The following USP20 variants were observed in gnomAD, a reference collection of about 807,000 sequenced individuals.
USP20 encodes the protein ubiquitin carboxyl-terminal hydrolase 20.
Under a neutral mutation model 124.2 loss-of-function variants are expected in USP20, and 80 were observed. That is an observed-to-expected ratio of 0.64 (90% CI 0.54 to 0.78). USP20 has a LOEUF of 0.78. Ranked by LOEUF, USP20 falls within the 30% of genes least tolerant of loss-of-function variation. USP20 has a pLI of 0.00. For synonymous variants in USP20, 481 were observed against 512.3 expected (o/e 0.94, Z 0.83); for missense variants, 1,043 against 1,244.4 (o/e 0.84, Z 2.44).
chr9:129,880,174 T>G lies in USP20; in HGVS notation c.2646T>G (p.Gly882=). ...CCTACCTGAACAGCCTGTATGGAGG[T>G]GGCCCCGAGATTGCCATCCGCCAGA... is the stretch of plus-strand genomic sequence containing the variant. The part of the protein sequence containing the change: ...TWTYLNSLYG[G]GPEIAIRQSV... The change falls in exon 25 of 26, where the codon GGT becomes GGG. Residue 882 remains glycine (G), a synonymous_variant. Coordinates refer to ENST00000372429, the MANE Select transcript of USP20 (RefSeq NM_001110303.4). 1 of 1,613,750 alleles carries G rather than the reference T, an allele frequency of 6.2e-7. No individual in the cohort carries two copies.
At chr9:129,835,938 C>T (rs1233530809) in intron 1 of USP20, 1 of 152,272 alleles carries the variant, frequency 6.6e-6, no homozygotes, top group Non-Finnish European at 1.5e-5. Context: ...CGCCGACTGC[C>T]TCACAAATAA....
rs1212384842 is a variant in USP20, at chr9:129,868,401, G to A, written c.1087G>A (p.Glu363Lys). The change falls in exon 11 of 26, where the codon GAG becomes AAG. Residue 363 changes from glutamate (E) to lysine (K), a missense_variant. Transcript: ENST00000372429. Reference sequence around the variant, plus strand: ...GGCTGCCCTTGACGACCAGCCCGCGGAGGCCCAGCCCCCGTCACCACGGTC... The same window carrying A: ...GGCTGCCCTTGACGACCAGCCCGCGAAGGCCCAGCCCCCGTCACCACGGTC... ...AMAALDDQPA[E>K]AQPPSPRSSS... The A allele has an allele frequency of 6.2e-7, 1 of 1,612,296 alleles. No homozygotes were observed. The highest frequency in any genetic ancestry group is 8.5e-7 in the Non-Finnish European group (1 of 1,179,576).
intron 9 of USP20, among the ~76,000 whole-genome samples, chr9:129,864,469 CAAAAAAAAA>C (rs575582320): frequency 6.2e-4 from 72 of 116,782 alleles, no homozygotes; most frequent in Non-Finnish European, 6.6e-4. Context: ...GACCCTGTCT[CAAAAAAAAA>C]AAAAAAAAAA....
intron 8 of USP20, among the ~76,000 whole-genome samples, chr9:129,862,045 TTAAGGA>T (rs2131069868): frequency 6.6e-6 from 1 of 152,308 alleles, no homozygotes; most frequent in African/African-American, 2.4e-5. Flanking sequence ...CGATTTTCCA[TTAAGGA>T]TAAGGCTGTG....
chr9:129,841,484 A>G (rs2032208126), intron 1 of USP20, among the ~76,000 whole-genome samples: 1 of 152,190 alleles, frequency 6.6e-6, no homozygotes, highest in Non-Finnish European at 1.5e-5. Flanking sequence ...CATAACAAAT[A>G]CTATGATCTA....
At chr9:129,865,155 T>C (rs1412863019) in intron 9 of USP20, 148 bp from the exon 10 acceptor site, 2 of 722,778 alleles carry the variant, frequency 2.8e-6, no homozygotes, top group African/African-American at 3.5e-5. Flanking sequence ...TGTGTGAGCC[T>C]CTTGGGGCTC....
At position 129,874,813 on chromosome 9, in the gene USP20, T is replaced by C. The variant is rs2034310082; in HGVS notation, c.1922-16T>C. The C allele has an allele frequency of 6.2e-7, 1 of 1,613,956 alleles. No homozygotes were observed. On this transcript the variant is annotated splice_polypyrimidine_tract_variant and intron_variant, in intron 18 of 25. Transcript: ENST00000372429. ...TCCGCTAGGATCCCTGTGACCCGTCTGCTCTGCCGCCGCAGGTGGGCACTA... is the reference window on the plus strand; with the variant it reads ...TCCGCTAGGATCCCTGTGACCCGTCCGCTCTGCCGCCGCAGGTGGGCACTA...
At chr9:129,843,718 CAAG>C (rs913715362) in intron 1 of USP20, among the ~76,000 whole-genome samples, 16 of 151,974 alleles carry the variant, frequency 1.1e-4, no homozygotes, top group Non-Finnish European at 2.1e-4. Context: ...GCCTGGGTAA[CAAG>C]AGTGAAAACT....
chr9:129,873,741 C>T lies in USP20; in HGVS notation c.1737C>T (p.Pro579=), dbSNP rs747070020. Residue 579 remains proline, a synonymous_variant, in exon 17 of 26, where the codon CCC becomes CCT. Transcript: ENST00000372429. ...AGTACTGCAAAGTCCTGCGGTTGCC[C>T]GAGGTGAGCCAGTGGCCTCGGCAGC... The part of the protein sequence containing the change: ...GVKYCKVLRL[P]EILCIHLKRF... The T allele has an allele frequency of 3.5e-5, 56 of 1,612,060 alleles. No individual in the cohort carries two copies. The highest frequency in any genetic ancestry group is 4.2e-5 in the Non-Finnish European group (50 of 1,179,990).
chr9:129,858,480 A>G lies in USP20; in HGVS notation c.212A>G (p.Asn71Ser). Residue 71 changes from asparagine (N) to serine (S), a missense_variant, in exon 6 of 26, where the codon AAC (asparagine) becomes AGC (serine). Physicochemically the swap from Asn to Ser is conservative, Grantham distance 46. Coordinates refer to ENST00000372429, the MANE Select transcript of USP20 (RefSeq NM_001110303.4). ...ATCACCCTCTAGGCAAAAAAGCACA[A>G]CTTGACCGTGAACCTGACCACGTTC... ...STIHAQAKKH[N>S]LTVNLTTFRL... The G allele has an allele frequency of 6.2e-7, 1 of 1,614,114 alleles. No homozygotes were observed. The highest frequency in any genetic ancestry group is 8.5e-7 in the Non-Finnish European group (1 of 1,180,006).
chr9:129,876,028 A>C, intron 21 of USP20, 102 bp from the exon 22 acceptor site: 1 of 1,036,422 alleles, frequency 9.6e-7, no homozygotes, highest in South Asian at 1.5e-5. Flanking sequence ...GACAGCGCTG[A>C]GGGGGCACTG....
intron 10 of USP20, among the ~76,000 whole-genome samples, chr9:129,865,872 G>A (rs1458034249): frequency 1.3e-5 from 2 of 152,144 alleles, no homozygotes; most frequent in African/African-American, 4.8e-5. Flanking sequence ...CAGGGCCTCC[G>A]CGTTGCACCC....
At chr9:129,858,845 G>A (rs1284821557) in intron 6 of USP20, among the ~76,000 whole-genome samples, 1 of 152,204 alleles carries the variant, frequency 6.6e-6, no homozygotes, top group Non-Finnish European at 1.5e-5. Flanking sequence ...CCCTTGAGGA[G>A]CTCGGAGACC....
intron 3 of USP20, among the ~76,000 whole-genome samples, chr9:129,853,245 T>C (rs1382848170): frequency 6.6e-6 from 1 of 151,676 alleles, no homozygotes; most frequent in Non-Finnish European, 1.5e-5. Context: ...GTTTTGCCCT[T>C]TCTTACATAA....
In USP20 at chr9:129,851,258, C is replaced by CTTTTTTT. The variant is rs35791819; in HGVS notation, c.-16-1269_-16-1263dup. Among the ~76,000 whole-genome samples the CTTTTTTT allele has an allele frequency of 1.7e-3, 211 of 126,190 alleles. 7 individuals are homozygous for CTTTTTTT. The highest frequency in any genetic ancestry group is 4.4e-3 in the African/African-American group (138 of 31,442). 82.8% of individuals were successfully genotyped at this position (126,190 alleles called of 152,430 possible). A position where few individuals can be genotyped will look rare whatever the true frequency, so the allele number is the denominator to read the frequency against. On this transcript the variant is annotated intron_variant, in intron 2 of 25. Coordinates refer to ENST00000372429, the MANE Select transcript of USP20 (RefSeq NM_001110303.4). ...CCCCTAATGGTAAGAATAACACATA[C>CTTTTTTT]TTTTTTTTTTTTTTTTTTTGAGATG...
At position 129,858,475 on chromosome 9, in the gene USP20, G is replaced by A. The variant is rs1212783449; in HGVS notation, c.207G>A (p.Lys69=). 1.2e-6 allele frequency: 2 copies of A among 1,614,072 alleles called. No individual in the cohort carries two copies. Among genetic ancestry groups the A allele is most frequent in the Admixed American group, 1.7e-5 (1 of 60,000 alleles). ...DHSTIHAQAK[K]HNLTVNLTTF... is the part of the protein sequence containing the mutation. Reference sequence around the variant, plus strand: ...TGGATATCACCCTCTAGGCAAAAAAGCACAACTTGACCGTGAACCTGACCA... The same window carrying A: ...TGGATATCACCCTCTAGGCAAAAAAACACAACTTGACCGTGAACCTGACCA... Residue 69 remains lysine, a synonymous_variant, in exon 6 of 26, where the codon AAG becomes AAA. Coordinates refer to ENST00000372429, the MANE Select transcript of USP20 (RefSeq NM_001110303.4).
intron 2 of USP20, among the ~76,000 whole-genome samples, chr9:129,850,654 G>T (rs72755274): frequency 0.028 from 4,303 of 151,160 alleles, 88 homozygotes; most frequent in Middle Eastern, 0.082. Flanking sequence ...TTTGTTTTTT[G>T]TGTGTGTGTG....
chr9:129,878,384 G>T lies in USP20; in HGVS notation c.2456G>T (p.Cys819Phe). 1 of 1,610,148 alleles carries T rather than the reference G, an allele frequency of 6.2e-7. No individual in the cohort carries two copies. Among genetic ancestry groups the T allele is most frequent in the Non-Finnish European group, 8.5e-7 (1 of 1,178,314 alleles). ...QAEESPGVIY[C>F]ISMQWFREWE... ...GAGGAGTCGCCGGGCGTCATCTACT[G>T]CATCAGCATGCAGTGGTTCCGGGAG... The change falls in exon 23 of 26, where the codon TGC becomes TTC. Residue 819 changes from cysteine to phenylalanine, a missense_variant. Coordinates refer to ENST00000372429, the MANE Select transcript of USP20 (RefSeq NM_001110303.4).
intron 13 of USP20, 56 bp downstream of exon 13, chr9:129,869,481 T>C: frequency 6.3e-7 from 1 of 1,580,788 alleles, no homozygotes; most frequent in Non-Finnish European, 8.7e-7. Flanking sequence ...CCTCAGCAGC[T>C]CTTGCCCTGA....
Sources: allele counts gnomAD v4.1 joint callset (sites outside exome capture counted in the v4.1 genomes callset), GRCh38; gene constraint gnomAD v4.1.1; transcripts MANE v1.5; gene names NCBI Gene and HGNC (gene_info 2026-07-23, HGNC 2026-07-21).